Variants in MACROD2 observed in about 807,000 individuals in gnomAD.
MACROD2 encodes the protein ADP-ribose glycohydrolase MACROD2.
MACROD2 carries 36 observed loss-of-function variants against 70.4 expected under a neutral mutation model. The observed-to-expected ratio is 0.51, with a 90% CI of 0.39 to 0.68. MACROD2 has a LOEUF of 0.68. Among genes scored for constraint, MACROD2 ranks in the 30% least tolerant of loss-of-function variants. The probability of loss-of-function intolerance (pLI) is 0.00; values close to 1 mark genes in which losing one functional copy is unlikely to be tolerated. For synonymous variants in MACROD2, 172 were observed against 178.8 expected (o/e 0.96, Z 0.30); for missense variants, 496 against 538.4 (o/e 0.92, Z 0.78).
At chr20:14,976,113 T>C (rs1413456626) in intron 5 of MACROD2, among the ~76,000 whole-genome samples, 1 of 152,196 alleles carries the variant, frequency 6.6e-6, no homozygotes, top group Non-Finnish European at 1.5e-5. Flanking sequence ...TCTGATCCTT[T>C]CAAAGGATTG....
intron 5 of MACROD2, among the ~76,000 whole-genome samples, chr20:14,879,250 T>C (rs979839755): frequency 7.9e-5 from 12 of 152,196 alleles, no homozygotes; most frequent in African/African-American, 2.9e-4. Flanking sequence ...CATGTTTACA[T>C]GGACAGAAAA....
At chr20:15,486,070 G>A (rs2047159229) in intron 7 of MACROD2, among the ~76,000 whole-genome samples, 1 of 151,976 alleles carries the variant, frequency 6.6e-6, no homozygotes, top group Non-Finnish European at 1.5e-5. Context: ...ACAATGACAT[G>A]TATTTTATAA....
chr20:14,740,254 A>G (rs1164432706), intron 5 of MACROD2, among the ~76,000 whole-genome samples: 2 of 152,138 alleles, frequency 1.3e-5, no homozygotes, highest in Non-Finnish European at 2.9e-5. Context: ...CATTTTACAG[A>G]TGGAAAATCT....
chr20:15,690,162 G>T (rs2050281092), intron 8 of MACROD2, among the ~76,000 whole-genome samples: 1 of 152,222 alleles, frequency 6.6e-6, no homozygotes, highest in Admixed American at 6.5e-5. Context: ...AATCAGGGCA[G>T]CCAGGAAGGA....
intron 5 of MACROD2, among the ~76,000 whole-genome samples, chr20:15,026,618 G>T (rs927229641): frequency 1.3e-4 from 20 of 152,016 alleles, no homozygotes; most frequent in African/African-American, 4.6e-4. Flanking sequence ...TCAATTGCCT[G>T]CATCAAAATG....
Position 14,335,438 on chromosome 20 carries a change from GGCTCCTT to G in MACROD2, c.272-158040_272-158034del, listed in dbSNP as rs1314402806. ...CTGAAAAAGTTTTGATAGAATTGTA[GGCTCCTT>G]AATTAACACTTGAAAGCAAAAGAAA... On this transcript the variant is annotated intron_variant, in intron 3 of 17. Coordinates refer to ENST00000684519, the MANE Select transcript of MACROD2 (RefSeq NM_001351661.2). 6.8e-4 allele frequency among the ~76,000 whole-genome samples: 103 copies of G among 152,290 alleles called. 1 individual carries two copies. The highest frequency in any genetic ancestry group is 2.5e-3 in the African/African-American group (103 of 41,560).
chr20:15,614,480 A>G (rs990901481), intron 8 of MACROD2, among the ~76,000 whole-genome samples: 2 of 152,194 alleles, frequency 1.3e-5, no homozygotes, highest in Admixed American at 1.3e-4. Flanking sequence ...CCAGAATGGC[A>G]TCACCTGTGA....
intron 8 of MACROD2, among the ~76,000 whole-genome samples, chr20:15,817,512 A>T (rs16996626): frequency 1.6e-3 from 243 of 152,246 alleles, no homozygotes; most frequent in Non-Finnish European, 2.7e-3. Flanking sequence ...GTATCTAATG[A>T]GTTCATACCA....
At chr20:15,942,793 G>A (rs1271996832) in intron 12 of MACROD2, among the ~76,000 whole-genome samples, 1 of 152,096 alleles carries the variant, frequency 6.6e-6, no homozygotes. Flanking sequence ...TAGAGCCAAG[G>A]CTAAGGCAGC....
At chr20:15,509,096 A>G (rs1280559710) in intron 8 of MACROD2, among the ~76,000 whole-genome samples, 3 of 152,196 alleles carry the variant, frequency 2.0e-5, no homozygotes, top group South Asian at 2.1e-4. Flanking sequence ...AACCTGTGCT[A>G]TGTTGAACCA....
chr20:14,514,199 G>A (rs1378011613), intron 4 of MACROD2, among the ~76,000 whole-genome samples: 1 of 152,114 alleles, frequency 6.6e-6, no homozygotes, highest in African/African-American at 2.4e-5. Context: ...AACATGATAT[G>A]AACATAGCAG....
At chr20:15,229,735 T>C (rs1416621529) in intron 5 of MACROD2, among the ~76,000 whole-genome samples, 1 of 152,240 alleles carries the variant, frequency 6.6e-6, no homozygotes, top group African/African-American at 2.4e-5. Flanking sequence ...TTCACAATTA[T>C]CATTTTCCTG....
chr20:15,104,222 A>G (rs1469027759), intron 5 of MACROD2, among the ~76,000 whole-genome samples: 1 of 152,164 alleles, frequency 6.6e-6, no homozygotes, highest in Non-Finnish European at 1.5e-5. Flanking sequence ...CAGGGACGCC[A>G]CTGTCCTGTG....
chr20:15,246,045 C>T (rs16995464), intron 6 of MACROD2, among the ~76,000 whole-genome samples: 1,797 of 152,260 alleles, frequency 0.012, 30 homozygotes, highest in African/African-American at 0.041. Context: ...CCAGATGTAA[C>T]GAACCATAGG....
chr20:14,271,696 G>A lies in MACROD2; in HGVS notation c.271+185968G>A, dbSNP rs185266348. The stretch of plus-strand genomic sequence containing the variant: ...AGGCTTCAGATGATCAAACTACTCC[G>A]AGCTACAGGAGGAAATTCAAACCAA... On this transcript the variant is annotated intron_variant, in intron 3 of 17. Coordinates refer to ENST00000684519, the MANE Select transcript of MACROD2 (RefSeq NM_001351661.2). 8.5e-5 allele frequency among the ~76,000 whole-genome samples: 13 copies of A among 152,248 alleles called. No homozygotes were observed. The East Asian group carries it at 1.7e-3, about 20-fold the overall frequency.
At chr20:14,340,010 A>G (rs1426588395) in intron 3 of MACROD2, among the ~76,000 whole-genome samples, 1 of 152,196 alleles carries the variant, frequency 6.6e-6, no homozygotes, top group East Asian at 1.9e-4. Context: ...CCTTTGAAAT[A>G]GTATGTACAA....
intron 10 of MACROD2, among the ~76,000 whole-genome samples, chr20:15,913,223 A>C (rs2065262255): frequency 6.6e-6 from 1 of 152,102 alleles, no homozygotes; most frequent in East Asian, 1.9e-4. Context: ...TTCATAGAAA[A>C]AAAAAATCCA....
rs143653707 is a variant in MACROD2, at chr20:15,791,877, A to G, written c.646-70868A>G. ...CTCAGTTTAGTAAGCTGCAAATTCA[A>G]TGTCTTAACACTCCATCCAAATTTA... On this transcript the variant is annotated intron_variant, in intron 8 of 17. Coordinates refer to ENST00000684519, the MANE Select transcript of MACROD2 (RefSeq NM_001351661.2). Among the ~76,000 whole-genome samples, 771 of 152,168 alleles carry G rather than the reference A, an allele frequency of 5.1e-3. 2 individuals are homozygous for G. Among genetic ancestry groups the G allele is most frequent in the East Asian group, 0.015 (76 of 5,184 alleles).
intron 2 of MACROD2, among the ~76,000 whole-genome samples, chr20:14,065,773 C>G (rs1569142819): frequency 6.6e-6 from 1 of 152,166 alleles, no homozygotes; most frequent in Non-Finnish European, 1.5e-5. Context: ...CATAATGTTT[C>G]CAGAATCTGT....
Sources: allele counts gnomAD v4.1 joint callset (sites outside exome capture counted in the v4.1 genomes callset), GRCh38; gene constraint gnomAD v4.1.1; transcripts MANE v1.5; gene names NCBI Gene and HGNC (gene_info 2026-07-23, HGNC 2026-07-21).